The following VDAC3 variants were observed in gnomAD, a reference collection of about 807,000 sequenced individuals.
VDAC3 encodes non-selective voltage-gated ion channel VDAC3.
In VDAC3, 7 loss-of-function variants were observed where a neutral mutation model predicts 33.9. That is an observed-to-expected ratio of 0.21 (90% CI 0.12 to 0.39). The LOEUF (loss-of-function observed/expected upper bound fraction) is 0.39, where lower values mean the gene tolerates loss of function less well. VDAC3 is among the 10% of genes least tolerant of loss of function. The probability of loss-of-function intolerance (pLI) is 1.00; values close to 1 mark genes in which losing one functional copy is unlikely to be tolerated. For synonymous variants in VDAC3, 100 were observed against 122.4 expected, an observed-to-expected ratio of 0.82 and a Z score of 1.21; for missense variants, 261 against 334.5, an observed-to-expected ratio of 0.78 and a Z score of 1.71.
intron 9 of VDAC3, 86 bp downstream of exon 9, chr8:42,405,010 C>A: frequency 8.1e-7 from 1 of 1,237,768 alleles, no homozygotes; most frequent in South Asian, 1.3e-5. Context: ...AACCTGTAGT[C>A]ACTGTAAGTT....
chr8:42,402,908 G>T (rs758727017), intron 7 of VDAC3: 6 of 169,140 alleles, frequency 3.5e-5, no homozygotes, highest in Non-Finnish European at 6.3e-5. Context: ...AGGAAATCCA[G>T]AATTGGTTTT....
chr8:42,393,244 G>A (rs1055866498), intron 1 of VDAC3, among the ~76,000 whole-genome samples: 1 of 152,092 alleles, frequency 6.6e-6, no homozygotes, highest in Non-Finnish European at 1.5e-5. Context: ...ATTAAGAGCT[G>A]GGCTATATAT....
chr8:42,395,596 A>G (rs1016393364), intron 4 of VDAC3, among the ~76,000 whole-genome samples: 8 of 152,358 alleles, frequency 5.3e-5, no homozygotes, highest in Non-Finnish European at 7.3e-5. Flanking sequence ...ACTGATGTTT[A>G]TAAAGTTTTT....
intron 4 of VDAC3, chr8:42,397,237 TTA>T (rs981213767): frequency 1.3e-5 from 2 of 152,594 alleles, no homozygotes; most frequent in African/African-American, 2.4e-5. Context: ...GTTAAAATAA[TTA>T]TGTGAACAGT....
chr8:42,392,245 A>C (rs1459016920), intron 1 of VDAC3, among the ~76,000 whole-genome samples: 7 of 152,178 alleles, frequency 4.6e-5, no homozygotes, highest in Non-Finnish European at 1.0e-4. Flanking sequence ...CTCGAACCCC[A>C]CACCCATCTC....
intron 7 of VDAC3, 155 bp downstream of exon 7, chr8:42,402,170 C>A: frequency 1.2e-6 from 1 of 822,386 alleles, no homozygotes; most frequent in Non-Finnish European, 1.9e-6. Context: ...TGCCAGGAGG[C>A]TGGTGCACGT....
chr8:42,404,722 CAA>C (rs878902511), intron 8 of VDAC3, 143 bp from the exon 9 acceptor site: 22,704 of 346,192 alleles, frequency 0.066, 67 homozygotes, highest in South Asian at 0.14. Flanking sequence ...AACTTCATCT[CAA>C]AAAAAAAAAA....
At chr8:42,401,572 A>C (rs758821966) in intron 6 of VDAC3, among the ~76,000 whole-genome samples, 6 of 152,252 alleles carry the variant, frequency 3.9e-5, no homozygotes, top group Non-Finnish European at 8.8e-5. Context: ...ACTTATAATG[A>C]GTAATAGATG....
rs1180126243 is a variant in VDAC3, at chr8:42,393,979, A to G, written c.-3+95A>G. 1.1e-5 allele frequency: 5 copies of G among 474,004 alleles called. No homozygotes were observed. The East Asian group carries it at 1.6e-4, about 15-fold the overall frequency. The allele number at this position is 474,004 out of a possible 1,614,324, so 29.4% of individuals were successfully genotyped here. A position where few individuals can be genotyped will look rare whatever the true frequency, so the allele number is the denominator to read the frequency against. ...ACTTTTCTTTGAAATGCAATCAGAA[A>G]GATGACCTCTGAATCTCACGGGAAA... On this transcript the variant is annotated intron_variant, in intron 2 of 9. Coordinates refer to ENST00000022615, the MANE Select transcript of VDAC3 (RefSeq NM_005662.7).
chr8:42,398,069 C>T (rs910724173), intron 4 of VDAC3, among the ~76,000 whole-genome samples: 2 of 152,174 alleles, frequency 1.3e-5, no homozygotes, highest in African/African-American at 4.8e-5. Flanking sequence ...AAACATATAG[C>T]AGAGAACTGA....
chr8:42,402,135 C>T (rs1000914837), intron 7 of VDAC3, 120 bp downstream of exon 7: 13 of 1,081,258 alleles, frequency 1.2e-5, no homozygotes, highest in East Asian at 5.2e-5. Flanking sequence ...TCCATCCTTG[C>T]GGTGCTATCC....
chr8:42,403,533 AGT>A (rs1230533114), intron 8 of VDAC3, 72 bp downstream of exon 8: 15 of 1,419,086 alleles, frequency 1.1e-5, no homozygotes, highest in Admixed American at 2.4e-5. Flanking sequence ...TTGTGATATG[AGT>A]GTAGTTTGCT....
intron 4 of VDAC3, chr8:42,396,814 A>G (rs1360097249): frequency 5.0e-6 from 3 of 598,952 alleles, no homozygotes; most frequent in Non-Finnish European, 8.8e-6. Flanking sequence ...TATGCTATCT[A>G]CTTAACAGTA....
At chr8:42,403,740 G>C (rs181203712) in intron 8 of VDAC3, among the ~76,000 whole-genome samples, 3 of 152,156 alleles carry the variant, frequency 2.0e-5, no homozygotes, top group Non-Finnish European at 2.9e-5. Context: ...GGTGGGCGTG[G>C]TAGGTGACGC....
intron 2 of VDAC3, 82 bp from the exon 3 acceptor site, chr8:42,394,128 C>A: frequency 7.9e-7 from 1 of 1,270,014 alleles, no homozygotes; most frequent in Non-Finnish European, 1.2e-6. Flanking sequence ...CCCCTTCTCA[C>A]AGGATTAAAC....
At chr8:42,392,497 T>A (rs1345481340) in intron 1 of VDAC3, among the ~76,000 whole-genome samples, 2 of 152,220 alleles carry the variant, frequency 1.3e-5, no homozygotes, top group African/African-American at 4.8e-5. Flanking sequence ...AGCTTTACTC[T>A]CGAGGAACAT....
chr8:42,400,956 C>T (rs2130889865), intron 6 of VDAC3, among the ~76,000 whole-genome samples: 1 of 152,076 alleles, frequency 6.6e-6, no homozygotes, highest in Non-Finnish European at 1.5e-5. Flanking sequence ...GCCACTGTGC[C>T]CGGCCAGGAC....
intron 6 of VDAC3, 132 bp from the exon 7 acceptor site, chr8:42,401,656 T>C (rs1802415754): frequency 2.6e-6 from 2 of 777,128 alleles, no homozygotes; most frequent in Non-Finnish European, 4.2e-6. Context: ...GTTTTTACTA[T>C]ATATGTGGCA....
rs112967038 is a variant in VDAC3 at position 42,401,430 on chromosome 8, C to T, written c.324-358C>T. 5.5e-3 allele frequency among the ~76,000 whole-genome samples: 843 copies of T among 152,250 alleles called. 2 individuals carry two copies. The highest frequency in any genetic ancestry group is 8.9e-3 in the Non-Finnish European group (607 of 68,002). ...CAGGATGGTCTCAATCTCCTGGCCTCGTCATCCGCCCACCTTGGCCTCCCA... is the reference window on the plus strand; with the variant it reads ...CAGGATGGTCTCAATCTCCTGGCCTTGTCATCCGCCCACCTTGGCCTCCCA... On this transcript the variant is annotated intron_variant, in intron 6 of 9. Transcript: ENST00000022615.
Sources: allele counts gnomAD v4.1 joint callset (sites outside exome capture counted in the v4.1 genomes callset), GRCh38; gene constraint gnomAD v4.1.1; transcripts MANE v1.5; gene names NCBI Gene and HGNC (gene_info 2026-07-23, HGNC 2026-07-21).